Variants in MKLN1 observed in about 807,000 individuals in gnomAD.
MKLN1 encodes the protein muskelin 1, also known as muskelin.
MKLN1 carries 18 observed loss-of-function variants against 99.0 expected under a neutral mutation model. The observed-to-expected ratio is 0.18, with a 90% CI of 0.13 to 0.27. The LOEUF is 0.27. Ranked by LOEUF, MKLN1 falls within the 10% of genes least tolerant of loss-of-function variation. The pLI, the probability that MKLN1 is intolerant of heterozygous loss-of-function variation, is 1.00. For synonymous variants in MKLN1, 288 were observed against 293.2 expected, an observed-to-expected ratio of 0.98 and a Z score of 0.18; for missense variants, 621 against 875.9, an observed-to-expected ratio of 0.71 and a Z score of 3.67.
At chr7:131,225,403 G>T (rs1045481521) in intron 3 of MKLN1, among the ~76,000 whole-genome samples, 3 of 152,128 alleles carry the variant, frequency 2.0e-5, no homozygotes, top group African/African-American at 4.8e-5. Context: ...ATGACTTTGG[G>T]GGTTAGATTT....
chr7:131,407,551 G>A (rs1794743344), intron 6 of MKLN1, among the ~76,000 whole-genome samples: 1 of 151,900 alleles, frequency 6.6e-6, no homozygotes, highest in South Asian at 2.1e-4. Flanking sequence ...AGGTAGGGCT[G>A]TGTTCCAGGA....
rs1398487250 is a variant in MKLN1, at chr7:131,464,305, A to T, written c.1685A>T (p.Tyr562Phe). The change falls in exon 14 of 18, where the codon TAT becomes TTT. Residue 562 changes from tyrosine (Y) to phenylalanine (F), a missense_variant. By Grantham distance (22) the Tyr-to-Phe change is conservative. Transcript: ENST00000352689. ...DIVRNSWSCV[Y>F]KNDQAAKDNP... ...GCAATGTCTTGCAGGTCTTGTGTCT[A>T]TAAGAATGATCAAGCTGCAAAGGAT... The T allele has an allele frequency of 2.5e-6, 4 of 1,608,574 alleles. No individual in the cohort carries two copies. Among genetic ancestry groups the T allele is most frequent in the Non-Finnish European group, 3.4e-6 (4 of 1,175,290 alleles).
intron 8 of MKLN1, among the ~76,000 whole-genome samples, chr7:131,427,253 A>G (rs932887806): frequency 4.6e-5 from 7 of 152,206 alleles, no homozygotes; most frequent in African/African-American, 1.7e-4. Context: ...TTATATGCAG[A>G]TATGACAGAA....
At chr7:131,425,820 A>C (rs188445653) in intron 8 of MKLN1, among the ~76,000 whole-genome samples, 2 of 152,114 alleles carry the variant, frequency 1.3e-5, no homozygotes, top group East Asian at 3.9e-4. Context: ...TTTTCTTTCT[A>C]CTTCCTTCTC....
chr7:131,321,493 CAGTT>C (rs1798775577), intron 3 of MKLN1, among the ~76,000 whole-genome samples: 1 of 152,098 alleles, frequency 6.6e-6, no homozygotes, highest in Non-Finnish European at 1.5e-5. Flanking sequence ...ACCTAGATGA[CAGTT>C]GGTAAGTGTA....
intron 3 of MKLN1, among the ~76,000 whole-genome samples, chr7:131,286,201 T>C (rs1798130472): frequency 6.6e-6 from 1 of 152,198 alleles, no homozygotes. Context: ...CTGTCTGCCT[T>C]GGCCTCTCAA....
At chr7:131,127,057 C>T (rs1795472142) in intron 1 of MKLN1, among the ~76,000 whole-genome samples, 1 of 151,390 alleles carries the variant, frequency 6.6e-6, no homozygotes, top group Non-Finnish European at 1.5e-5. Context: ...CCCAGCTACT[C>T]GGGAGGCTGA....
At chr7:131,246,130 C>CT (rs1797484041) in intron 3 of MKLN1, among the ~76,000 whole-genome samples, 1 of 152,326 alleles carries the variant, frequency 6.6e-6, no homozygotes, top group South Asian at 2.1e-4. Flanking sequence ...ACAGACCACA[C>CT]TTTGAGTAGC....
chr7:131,469,538 C>A (rs986997891), intron 15 of MKLN1, among the ~76,000 whole-genome samples: 1 of 152,150 alleles, frequency 6.6e-6, no homozygotes, highest in Non-Finnish European at 1.5e-5. Context: ...AGGCTGTAAG[C>A]CTGGCTGTCA....
intron 17 of MKLN1, among the ~76,000 whole-genome samples, chr7:131,482,003 C>G (rs1010835831): frequency 1.3e-5 from 2 of 152,148 alleles, no homozygotes; most frequent in African/African-American, 2.4e-5. Flanking sequence ...CGGAGAAAAT[C>G]TCCAAGGATC....
chr7:131,196,230 A>T (rs1400107650), intron 2 of MKLN1, among the ~76,000 whole-genome samples: 1 of 152,164 alleles, frequency 6.6e-6, no homozygotes, highest in Non-Finnish European at 1.5e-5. Context: ...GTTTCCCCAT[A>T]TTCCATTCCT....
chr7:131,370,496 CT>C (rs1259364567), intron 1 of MKLN1, among the ~76,000 whole-genome samples: 4 of 147,664 alleles, frequency 2.7e-5, no homozygotes, highest in Non-Finnish European at 3.0e-5. Context: ...TTTCTTAACC[CT>C]TTTTGTATGT....
chr7:131,253,381 A>G (rs879921707), intron 3 of MKLN1, among the ~76,000 whole-genome samples: 8 of 152,284 alleles, frequency 5.3e-5, no homozygotes, highest in Admixed American at 5.2e-4. Flanking sequence ...TCCCAGCTCC[A>G]TGCTGTGGAG....
chr7:131,235,924 T>C (rs1356984160), intron 3 of MKLN1, among the ~76,000 whole-genome samples: 1 of 152,208 alleles, frequency 6.6e-6, no homozygotes. Flanking sequence ...TGGAAACCAA[T>C]GCATCATCCA....
chr7:131,114,288 G>T (rs1448314836), intron 1 of MKLN1, among the ~76,000 whole-genome samples: 1 of 152,132 alleles, frequency 6.6e-6, no homozygotes, highest in Non-Finnish European at 1.5e-5. Context: ...GCAGGTTGTG[G>T]AGTGAAGGTA....
At chr7:131,132,232 G>T (rs189234439) in intron 1 of MKLN1, among the ~76,000 whole-genome samples, 1 of 152,354 alleles carries the variant, frequency 6.6e-6, no homozygotes, top group Admixed American at 6.5e-5. Context: ...GTGTGGCTGT[G>T]AGAACACTCG....
chr7:131,464,055 G>T (rs1796591078), intron 13 of MKLN1, among the ~76,000 whole-genome samples: 6 of 152,170 alleles, frequency 3.9e-5, no homozygotes, highest in Admixed American at 3.9e-4. Context: ...CATGTATGCT[G>T]TTTGTATTTC....
At chr7:131,128,823 C>T (rs116398619) in intron 1 of MKLN1, among the ~76,000 whole-genome samples, 181 of 151,466 alleles carry the variant, frequency 1.2e-3, no homozygotes, top group African/African-American at 4.3e-3. Context: ...TGGTCTCGAA[C>T]TCCTGGACTC....
intron 4 of MKLN1, among the ~76,000 whole-genome samples, chr7:131,390,740 C>G (rs1374203419): frequency 6.6e-6 from 1 of 152,040 alleles, no homozygotes; most frequent in Admixed American, 6.6e-5. Flanking sequence ...ACTATAGTCA[C>G]CATGCTGTAC....
Sources: gnomAD v4.1 joint callset for allele counts (sites outside exome capture counted in the v4.1 genomes callset) on GRCh38, gnomAD v4.1.1 for gene constraint, MANE v1.5 for transcripts, NCBI Gene and HGNC (gene_info 2026-07-23, HGNC 2026-07-21) for gene names.